The following TULP4 variants were observed in gnomAD, a reference collection of about 807,000 sequenced individuals.
TULP4 encodes tubby-related protein 4.
A neutral mutation model predicts 129.0 loss-of-function variants in TULP4; 16 were observed. The ratio of observed to expected loss-of-function variants is 0.12; its 90% CI spans 0.08 to 0.19. The LOEUF (loss-of-function observed/expected upper bound fraction) is 0.19, where lower values mean the gene tolerates loss of function less well. TULP4 is among the 10% of genes least tolerant of loss of function. The probability of loss-of-function intolerance (pLI) is 1.00; values close to 1 mark genes in which losing one functional copy is unlikely to be tolerated. For synonymous variants in TULP4, 998 were observed against 854.0 expected (o/e 1.17, Z -2.94); for missense variants, 1,842 against 2,059.1 (o/e 0.89, Z 2.04).
chr6:158,265,536 T>C (rs76690771), intron 1 of TULP4, among the ~76,000 whole-genome samples: 5 of 151,696 alleles, frequency 3.3e-5, no homozygotes, highest in African/African-American at 7.3e-5. Flanking sequence ...AAAAAAAAAT[T>C]AGCTGGGCGT....
At chr6:158,289,748 T>G (rs1778898913) in intron 1 of TULP4, among the ~76,000 whole-genome samples, 1 of 152,038 alleles carries the variant, frequency 6.6e-6, no homozygotes, top group Non-Finnish European at 1.5e-5. Flanking sequence ...GCCTGGCTGA[T>G]TTTTTAATTT....
chr6:158,284,734 T>C (rs1207796616), intron 1 of TULP4, among the ~76,000 whole-genome samples: 3 of 152,232 alleles, frequency 2.0e-5, no homozygotes, highest in Non-Finnish European at 2.9e-5. Flanking sequence ...CAGTCAATGC[T>C]AGAAAACTGG....
intron 2 of TULP4, among the ~76,000 whole-genome samples, chr6:158,425,727 C>T (rs993652311): frequency 6.6e-6 from 1 of 151,852 alleles, no homozygotes; most frequent in African/African-American, 2.4e-5. Context: ...TTTTAGCCTT[C>T]TGAGTAGCTA....
At chr6:158,476,389 A>G (rs653722) in intron 6 of TULP4, among the ~76,000 whole-genome samples, 92,525 of 151,916 alleles carry the variant, frequency 0.61, 29,015 homozygotes, top group African/African-American at 0.76. Context: ...GACCCTGCAG[A>G]CCTCACTTCT....
chr6:158,408,568 T>C (rs1380151191), intron 1 of TULP4, among the ~76,000 whole-genome samples: 1 of 152,100 alleles, frequency 6.6e-6, no homozygotes, highest in Non-Finnish European at 1.5e-5. Context: ...AGGGGTGTGC[T>C]ACCATGGCTT....
At chr6:158,392,947 C>T (rs1425234711) in intron 1 of TULP4, among the ~76,000 whole-genome samples, 1 of 148,244 alleles carries the variant, frequency 6.7e-6, no homozygotes, top group East Asian at 2.0e-4. Context: ...ATTACAGGCA[C>T]TCCAGCCTGG....
intron 1 of TULP4, among the ~76,000 whole-genome samples, chr6:158,326,302 T>C (rs1779745520): frequency 1.3e-5 from 2 of 152,184 alleles, no homozygotes; most frequent in African/African-American, 2.4e-5. Context: ...AATTAGATGG[T>C]TTATCAGTTC....
chr6:158,424,783 A>G (rs1778436378), intron 2 of TULP4, among the ~76,000 whole-genome samples: 1 of 152,178 alleles, frequency 6.6e-6, no homozygotes, highest in South Asian at 2.1e-4. Context: ...TTGAACAGAT[A>G]TACCCCAAAA....
intron 1 of TULP4, among the ~76,000 whole-genome samples, chr6:158,326,312 C>G (rs1779745625): frequency 6.6e-6 from 1 of 152,076 alleles, no homozygotes. Context: ...TTTATCAGTT[C>G]ATTTTTTTGT....
chr6:158,242,440 A>G, intron 1 of TULP4: 1 of 1,050,504 alleles, frequency 9.5e-7, no homozygotes, highest in Non-Finnish European at 1.5e-6. Context: ...TATGCCACTA[A>G]GCATTCATCA....
intron 1 of TULP4, among the ~76,000 whole-genome samples, chr6:158,273,418 A>T (rs1342669630): frequency 6.6e-6 from 1 of 152,098 alleles, no homozygotes; most frequent in Non-Finnish European, 1.5e-5. Context: ...CACTGGGCTT[A>T]GTATGTTCTG....
chr6:158,241,019 C>T, intron 1 of TULP4, among the ~76,000 whole-genome samples: 1 of 138,460 alleles, frequency 7.2e-6, no homozygotes, highest in East Asian at 2.4e-4. Flanking sequence ...AGGGTCTCCT[C>T]ACTTCTCAGA....
intron 3 of TULP4, among the ~76,000 whole-genome samples, chr6:158,438,646 G>T (rs1434339031): frequency 6.6e-6 from 1 of 151,988 alleles, no homozygotes; most frequent in Non-Finnish European, 1.5e-5. Flanking sequence ...GTGCAGTGGC[G>T]TGATCTCAGC....
At chr6:158,474,063 T>G (rs2779075) in intron 6 of TULP4, among the ~76,000 whole-genome samples, 2 of 150,488 alleles carry the variant, frequency 1.3e-5, no homozygotes, top group Admixed American at 6.6e-5. Context: ...TCAAGCAATC[T>G]TCCTGCCTCA....
At chr6:158,341,271 C>CT (rs919046986) in intron 1 of TULP4, among the ~76,000 whole-genome samples, 2 of 151,924 alleles carry the variant, frequency 1.3e-5, no homozygotes, top group African/African-American at 2.4e-5. Context: ...CAGGAGTTCA[C>CT]TTTTTTTTAT....
intron 1 of TULP4, among the ~76,000 whole-genome samples, chr6:158,381,562 C>T (rs1417734254): frequency 6.6e-6 from 1 of 152,138 alleles, no homozygotes; most frequent in Non-Finnish European, 1.5e-5. Flanking sequence ...TCATTATGGA[C>T]CCATATTCCA....
At chr6:158,338,929 T>C (rs185654294) in intron 1 of TULP4, among the ~76,000 whole-genome samples, 1 of 152,306 alleles carries the variant, frequency 6.6e-6, no homozygotes, top group East Asian at 1.9e-4. Flanking sequence ...TGACAGCTCT[T>C]CTCATGCAGG....
At chr6:158,482,535 GAGGA>G (rs780009302) in intron 8 of TULP4, among the ~76,000 whole-genome samples, 2 of 152,310 alleles carry the variant, frequency 1.3e-5, no homozygotes, top group South Asian at 4.1e-4. Flanking sequence ...ACAGATTCAG[GAGGA>G]AGGAAGGCAC....
intron 6 of TULP4, among the ~76,000 whole-genome samples, chr6:158,478,119 G>A (rs992073817): frequency 6.6e-6 from 1 of 152,124 alleles, no homozygotes; most frequent in African/African-American, 2.4e-5. Context: ...GAGGGAGGAG[G>A]GAGAAGATCA....
Sources: gnomAD v4.1 joint callset for allele counts (sites outside exome capture counted in the v4.1 genomes callset) on GRCh38, gnomAD v4.1.1 for gene constraint, MANE v1.5 for transcripts, NCBI Gene and HGNC (gene_info 2026-07-23, HGNC 2026-07-21) for gene names.